Variants in CFH observed in about 807,000 individuals in gnomAD.
CFH encodes complement factor H, also known as H factor 1 (complement).
Under a neutral mutation model 147.3 loss-of-function variants are expected in CFH, and 53 were observed. That is an observed-to-expected ratio of 0.36 (90% CI 0.29 to 0.45). The LOEUF (loss-of-function observed/expected upper bound fraction) is 0.45. Ranked by LOEUF, CFH falls within the 20% of genes least tolerant of loss-of-function variation. The pLI is 1.00. For missense variants in CFH, 1,380 were observed against 1,498.0 expected (o/e 0.92, Z 1.30); for synonymous variants, 536 against 489.4 (o/e 1.10, Z -1.26).
chr1:196,685,261 C>A (rs748960620), intron 7 of CFH, 24 bp downstream of exon 7: 3 of 1,610,736 alleles, frequency 1.9e-6, no homozygotes, highest in Non-Finnish European at 2.5e-6. Context: ...ATATCTTGAC[C>A]CATTTCTTAA....
At chr1:196,702,194 T>A (rs1405110881) in intron 9 of CFH, among the ~76,000 whole-genome samples, 1 of 152,160 alleles carries the variant, frequency 6.6e-6, no homozygotes, top group Non-Finnish European at 1.5e-5. Flanking sequence ...GCAGCACTAC[T>A]GGCGCCTCTC....
intron 9 of CFH, among the ~76,000 whole-genome samples, chr1:196,712,792 C>G (rs545990070): frequency 3.1e-5 from 4 of 129,082 alleles, no homozygotes; most frequent in East Asian, 2.4e-4. Flanking sequence ...GCAGTCCCCA[C>G]AGTGTGATGT....
intron 7 of CFH, among the ~76,000 whole-genome samples, chr1:196,689,064 C>T (rs566977665): frequency 9.2e-5 from 14 of 152,050 alleles, no homozygotes; most frequent in South Asian, 8.3e-4. Flanking sequence ...ATGAGCTAAG[C>T]GGTAAAATTG....
At chr1:196,745,461 A>G (rs1652967552) in intron 20 of CFH, among the ~76,000 whole-genome samples, 1 of 152,154 alleles carries the variant, frequency 6.6e-6, no homozygotes, top group African/African-American at 2.4e-5. Context: ...AATTTTTGTC[A>G]TACTTTTCCA....
In CFH at chr1:196,742,050, A is replaced by G. The variant is rs1405426731; in HGVS notation, c.3132A>G (p.Arg1044=). The change falls in exon 19 of 22, where the codon AGA becomes AGG. Residue 1044 remains arginine (R), a splice_region_variant and synonymous_variant. Transcript: ENST00000367429. ...GATGGACAGGAAGGCCAACATGCAGAGGTACTTTGGTGAATTTTCAAAATT... is the reference window on the plus strand; with the variant it reads ...GATGGACAGGAAGGCCAACATGCAGGGGTACTTTGGTGAATTTTCAAAATT... ...NSRWTGRPTC[R]DTSCVNPPTV... 6.2e-7 allele frequency: 1 copy of G among 1,613,986 alleles called. No homozygotes were observed. Among genetic ancestry groups the G allele is most frequent in the Non-Finnish European group, 8.5e-7 (1 of 1,179,908 alleles).
chr1:196,737,340 A>G, intron 16 of CFH, 135 bp from the exon 17 acceptor site: 1 of 689,048 alleles, frequency 1.5e-6, no homozygotes, highest in Non-Finnish European at 2.5e-6. Context: ...GCGAGTTTCT[A>G]ATATGTTTTT....
At chr1:196,710,183 C>G (rs1423327992) in intron 9 of CFH, among the ~76,000 whole-genome samples, 1 of 152,084 alleles carries the variant, frequency 6.6e-6, no homozygotes, top group Non-Finnish European at 1.5e-5. Flanking sequence ...TTTTCTAGCC[C>G]GTCACCCTCC....
chr1:196,724,696 T>C (rs1314009954), intron 11 of CFH, among the ~76,000 whole-genome samples: 1 of 152,248 alleles, frequency 6.6e-6, no homozygotes, highest in Non-Finnish European at 1.5e-5. Context: ...TTGGTTCTTC[T>C]TTCTGAGGAG....
At chr1:196,728,001 C>T (rs984463352) in intron 14 of CFH, among the ~76,000 whole-genome samples, 3 of 152,130 alleles carry the variant, frequency 2.0e-5, no homozygotes, top group Non-Finnish European at 2.9e-5. Flanking sequence ...TTTCTCTAAA[C>T]TGAGATTTTT....
intron 1 of CFH, among the ~76,000 whole-genome samples, chr1:196,658,011 A>G (rs1213077436): frequency 6.6e-6 from 1 of 152,144 alleles, no homozygotes; most frequent in African/African-American, 2.4e-5. Flanking sequence ...TTGTATGTCA[A>G]TAATAAGTAA....
At chr1:196,663,690 T>C (rs1385897358) in intron 1 of CFH, among the ~76,000 whole-genome samples, 1 of 152,226 alleles carries the variant, frequency 6.6e-6, no homozygotes, top group Non-Finnish European at 1.5e-5. Flanking sequence ...TCTGGGTGGC[T>C]AGAAGAACTT....
At chr1:196,701,225 G>C in intron 9 of CFH, 1 of 1,565,032 alleles carries the variant, frequency 6.4e-7, no homozygotes, top group Admixed American at 1.7e-5. Flanking sequence ...CTTCTTGTTT[G>C]GTCAGTCACA....
chr1:196,698,762 G>A lies in CFH; in HGVS notation c.1336+8523G>A, dbSNP rs1270286916. 5.3e-5 allele frequency among the ~76,000 whole-genome samples: 8 copies of A among 152,096 alleles called. No individual in the cohort carries two copies. The South Asian group carries it at 1.0e-3, about 20-fold the overall frequency. ...CATCCTGATACCAAAACCTGGCAGA[G>A]ACACAACAGAAAAAGAAAATTTCAG... On this transcript the variant is annotated intron_variant, in intron 9 of 21. Transcript: ENST00000367429.
intron 9 of CFH, chr1:196,701,287 G>A: frequency 6.2e-7 from 1 of 1,613,708 alleles, no homozygotes; most frequent in Non-Finnish European, 8.5e-7. Context: ...GCCTAACTCA[G>A]GGTAATCATC....
chr1:196,734,339 G>T (rs1366021668), intron 15 of CFH, among the ~76,000 whole-genome samples: 2 of 151,990 alleles, frequency 1.3e-5, no homozygotes, highest in African/African-American at 4.8e-5. Context: ...TGGAAGAAGA[G>T]TCAGGAGCTT....
intron 1 of CFH, among the ~76,000 whole-genome samples, chr1:196,669,919 G>T (rs555531174): frequency 1.3e-5 from 2 of 152,304 alleles, no homozygotes; most frequent in African/African-American, 4.8e-5. Context: ...GCCAGGGCAG[G>T]GGGCCATACC....
intron 10 of CFH, among the ~76,000 whole-genome samples, chr1:196,715,296 G>A (rs1387600744): frequency 1.3e-5 from 2 of 151,582 alleles, no homozygotes; most frequent in African/African-American, 4.8e-5. Context: ...ACCTGTAATG[G>A]CCTGTTTTAT....
chr1:196,689,311 G>A, intron 7 of CFH, 109 bp from the exon 8 acceptor site: 1 of 1,033,372 alleles, frequency 9.7e-7, no homozygotes, highest in Non-Finnish European at 1.4e-6. Context: ...AATGGAATGT[G>A]TAATTATACT....
At chr1:196,704,310 G>A (rs895872883) in intron 9 of CFH, among the ~76,000 whole-genome samples, 6 of 152,072 alleles carry the variant, frequency 3.9e-5, no homozygotes, top group Admixed American at 1.3e-4. Flanking sequence ...TGCCTGGCTC[G>A]TCTTAAACTC....
Sources: allele counts gnomAD v4.1 joint callset (sites outside exome capture counted in the v4.1 genomes callset), GRCh38; gene constraint gnomAD v4.1.1; transcripts MANE v1.5; gene names NCBI Gene and HGNC (gene_info 2026-07-23, HGNC 2026-07-21).